The following GARNL3 variants were observed in gnomAD, a reference collection of about 807,000 sequenced individuals.
GARNL3 encodes the protein GTPase activating Rap/RanGAP domain like 3.
In GARNL3, 63 loss-of-function variants were observed where a neutral mutation model predicts 125.0. The ratio of observed to expected loss-of-function variants is 0.50; its 90% CI spans 0.41 to 0.62. The LOEUF (loss-of-function observed/expected upper bound fraction) is 0.62. GARNL3 is among the 20% of genes least tolerant of loss of function. GARNL3 has a pLI of 0.00. For synonymous variants in GARNL3, 439 were observed against 457.5 expected, an observed-to-expected ratio of 0.96 and a Z score of 0.52; for missense variants, 994 against 1,244.0, an observed-to-expected ratio of 0.80 and a Z score of 3.02.
At chr9:127,274,209 T>C (rs993447838) in intron 1 of GARNL3, among the ~76,000 whole-genome samples, 1 of 152,198 alleles carries the variant, frequency 6.6e-6, no homozygotes, top group East Asian at 1.9e-4. Context: ...TATGATTTTA[T>C]GACCTATTTT....
At chr9:127,374,424 G>A (rs1167685302) in intron 22 of GARNL3, among the ~76,000 whole-genome samples, 1 of 152,130 alleles carries the variant, frequency 6.6e-6, no homozygotes, top group African/African-American at 2.4e-5. Context: ...CTACAAGAAA[G>A]CATAGAAGAT....
At chr9:127,313,286 T>TC (rs1246009405) in intron 3 of GARNL3, 155 bp from the exon 4 acceptor site, 8 of 657,220 alleles carry the variant, frequency 1.2e-5, no homozygotes, top group Non-Finnish European at 2.2e-5. Flanking sequence ...GAATACATGA[T>TC]CCCCCGAGAG....
rs374349793 is a variant in GARNL3, at chr9:127,353,830, A to C, written c.1544-16A>C. The C allele has an allele frequency of 6.4e-7, 1 of 1,574,184 alleles. No individual in the cohort carries two copies. Among genetic ancestry groups the C allele is most frequent in the Admixed American group, 1.7e-5 (1 of 59,974 alleles). ...GGCTGGGTTGCAGTGATGGGTAACC[A>C]GGTTTCCTTTTCCAGATGACCTTCC... On this transcript the variant is annotated splice_polypyrimidine_tract_variant and intron_variant, in intron 17 of 27. Transcript: ENST00000373387.
chr9:127,348,046 A>G (rs1203954641), intron 16 of GARNL3, among the ~76,000 whole-genome samples: 1 of 152,180 alleles, frequency 6.6e-6, no homozygotes, highest in Non-Finnish European at 1.5e-5. Flanking sequence ...ACACACCTAC[A>G]TGTGCACATG....
At chr9:127,299,663 C>T (rs1205542768) in intron 2 of GARNL3, among the ~76,000 whole-genome samples, 2 of 152,104 alleles carry the variant, frequency 1.3e-5, no homozygotes, top group African/African-American at 2.4e-5. Flanking sequence ...CTCCGCCTCC[C>T]GGGTTCATGC....
rs1200704179 is a variant in GARNL3 at position 127,384,222 on chromosome 9, G to C, written c.2269+677G>C. Among the ~76,000 whole-genome samples the C allele has an allele frequency of 6.6e-6, 1 of 152,206 alleles. No individual in the cohort carries two copies. The highest frequency in any genetic ancestry group is 1.5e-5 in the Non-Finnish European group (1 of 68,040). On this transcript the variant is annotated intron_variant, in intron 23 of 27. Transcript: ENST00000373387. This position sits in a 1 kb window ranked among gnomAD's most constrained non-coding sequence, Gnocchi z 4.0. ...CAGATTAGATCTGGTAGACAGGAAA[G>C]GGAGATTTTGAACCACGTTGCTGGA... is the stretch of plus-strand genomic sequence containing the variant.
intron 2 of GARNL3, among the ~76,000 whole-genome samples, chr9:127,294,358 G>A (rs1175672134): frequency 6.6e-6 from 1 of 152,132 alleles, no homozygotes; most frequent in African/African-American, 2.4e-5. Context: ...AGGCTGGAGT[G>A]CAGTGACACT....
intron 6 of GARNL3, among the ~76,000 whole-genome samples, chr9:127,321,073 T>C (rs1279711316): frequency 6.6e-6 from 1 of 152,054 alleles, no homozygotes; most frequent in African/African-American, 2.4e-5. Flanking sequence ...TTCAGAAAAA[T>C]CTTATTGGCT....
Position 127,342,269 on chromosome 9 carries a change from C to T in GARNL3, c.1186C>T (p.Arg396Cys), listed in dbSNP as rs781220509. Residue 396 changes from arginine (R) to cysteine (C), a missense_variant, in exon 14 of 28, where the codon CGT becomes TGT. By Grantham distance (180) the Arg-to-Cys change is radical (BLOSUM62 -3). Coordinates refer to ENST00000373387, the MANE Select transcript of GARNL3 (RefSeq NM_032293.5). ...TLETPTFAQKRRRTLDMLIRS... is the reference protein window; with the variant it reads ...TLETPTFAQKCRRTLDMLIRS... Reference sequence around the variant, plus strand: ...GGAAACCCCAACATTTGCCCAGAAACGTCGGCGTACCCTGGATATGTTGAT... The same window carrying T: ...GGAAACCCCAACATTTGCCCAGAAATGTCGGCGTACCCTGGATATGTTGAT... The T allele has an allele frequency of 8.1e-6, 13 of 1,614,000 alleles. No homozygotes were observed. Among genetic ancestry groups the T allele is most frequent in the South Asian group, 1.1e-5 (1 of 91,076 alleles).
chr9:127,357,096 G>A (rs1351586369), intron 20 of GARNL3, 123 bp from the exon 21 acceptor site: 14 of 884,374 alleles, frequency 1.6e-5, no homozygotes, highest in East Asian at 4.9e-5. Context: ...CCTGTAGCAC[G>A]GGGCTCTGCA....
chr9:127,355,127 A>G (rs529706057), intron 19 of GARNL3, among the ~76,000 whole-genome samples, 170 bp from the exon 20 acceptor site: 2 of 152,268 alleles, frequency 1.3e-5, no homozygotes, highest in African/African-American at 4.8e-5. Context: ...CTGTAACTCA[A>G]CCTAATTTTA....
chr9:127,340,360 G>C (rs1829798155), intron 13 of GARNL3, among the ~76,000 whole-genome samples: 1 of 152,070 alleles, frequency 6.6e-6, no homozygotes, highest in Non-Finnish European at 1.5e-5. Context: ...TCCCTCCTCA[G>C]GGCACCCCTG....
intron 7 of GARNL3, 138 bp from the exon 8 acceptor site, chr9:127,332,136 C>A: frequency 1.5e-6 from 1 of 675,146 alleles, no homozygotes; most frequent in Non-Finnish European, 2.7e-6. Flanking sequence ...GTCAATAACC[C>A]AGATGGATGG....
chr9:127,361,984 C>G (rs1292989028), intron 21 of GARNL3: 1 of 151,646 alleles, frequency 6.6e-6, no homozygotes, highest in African/African-American at 2.4e-5. Context: ...TTGTGGCCAT[C>G]ACTGAATGGC....
At chr9:127,316,281 C>A (rs2065238060) in intron 4 of GARNL3, among the ~76,000 whole-genome samples, 1 of 152,128 alleles carries the variant, frequency 6.6e-6, no homozygotes, top group South Asian at 2.1e-4. Context: ...GTGGCTCATG[C>A]CTGTAATCCC....
chr9:127,227,479 T>C (rs554298211), intron 1 of GARNL3, among the ~76,000 whole-genome samples: 1 of 152,142 alleles, frequency 6.6e-6, no homozygotes, highest in Non-Finnish European at 1.5e-5. Context: ...TAGGCGCCTG[T>C]AATCCCAACT....
In GARNL3 at chr9:127,393,212, G is replaced by A; in HGVS notation, c.3000G>A (p.Gln1000=). ...GSPVSGSSPF[Q]LTAFSDEDII... ...CGGTCTCCGGCAGCAGCCCCTTCCA[G>A]CTCACGGCTTTCTCCGATGAAGACA... Residue 1000 remains glutamine, a synonymous_variant, in exon 28 of 28, where the codon CAG becomes CAA. Coordinates refer to ENST00000373387, the MANE Select transcript of GARNL3 (RefSeq NM_032293.5). 6.2e-7 allele frequency: 1 copy of A among 1,613,572 alleles called. No homozygotes were observed. The highest frequency in any genetic ancestry group is 8.5e-7 in the Non-Finnish European group (1 of 1,179,476).
At chr9:127,357,151 T>A in intron 20 of GARNL3, 68 bp from the exon 21 acceptor site, 1 of 1,517,138 alleles carries the variant, frequency 6.6e-7, no homozygotes, top group Non-Finnish European at 9.1e-7. Flanking sequence ...GAATGGGCAG[T>A]GGGGCTTGGC....
At chr9:127,322,491 C>T (rs562570914) in intron 6 of GARNL3, among the ~76,000 whole-genome samples, 4 of 152,212 alleles carry the variant, frequency 2.6e-5, no homozygotes, top group East Asian at 1.9e-4. Flanking sequence ...TACTTTTATG[C>T]TTTCCTACAT....
Sources: allele counts gnomAD v4.1 joint callset (sites outside exome capture counted in the v4.1 genomes callset), GRCh38; gene constraint gnomAD v4.1.1; non-coding constraint Gnocchi (gnomAD v3.1); transcripts MANE v1.5; gene names NCBI Gene and HGNC (gene_info 2026-07-23, HGNC 2026-07-21).